Variants in HMGN5 observed in about 807,000 individuals in gnomAD.
The protein encoded by HMGN5 is high mobility group nucleosome-binding domain-containing protein 5.
A neutral mutation model predicts 9.5 loss-of-function variants in HMGN5; 4 were observed. The ratio of observed to expected loss-of-function variants is 0.42; its 90% CI spans 0.21 to 0.96. The LOEUF is 0.96. HMGN5 is among the 40% of genes least tolerant of loss of function. The pLI is 0.30. For missense variants in HMGN5, 192 were observed against 187.5 expected (o/e 1.02, Z -0.14); for synonymous variants, 55 against 57.1 (o/e 0.96, Z 0.16).
chrX:81,131,362 G>A (rs1160292942), intron 1 of HMGN5, among the ~76,000 whole-genome samples: 2 of 111,334 alleles, frequency 1.8e-5, no homozygotes, highest in East Asian at 2.8e-4. Context: ...ATGACATTTC[G>A]TTTTTCTTTC....
intron 1 of HMGN5, among the ~76,000 whole-genome samples, chrX:81,171,942 AC>A (rs2075426848): frequency 8.9e-6 from 1 of 112,013 alleles, no homozygotes; most frequent in African/African-American, 3.2e-5. Context: ...TTCACAAGAA[AC>A]AAATTAAAGA....
chrX:81,129,161 T>C (rs952884535), intron 1 of HMGN5, among the ~76,000 whole-genome samples: 11 of 110,575 alleles, frequency 9.9e-5, no homozygotes, highest in African/African-American at 3.3e-4. Context: ...AATCAGAAAA[T>C]AGGAATAGTG....
At chrX:81,151,868 T>C (rs2147562577) in intron 1 of HMGN5, among the ~76,000 whole-genome samples, 1 of 111,467 alleles carries the variant, frequency 9.0e-6, no homozygotes, top group East Asian at 2.8e-4. Flanking sequence ...TGGGGTTTTC[T>C]AGATATACAA....
At chrX:81,183,947 C>A (rs2075470063) in intron 1 of HMGN5, among the ~76,000 whole-genome samples, 1 of 111,660 alleles carries the variant, frequency 9.0e-6, no homozygotes, top group Non-Finnish European at 1.9e-5. Flanking sequence ...AAAGGACTTG[C>A]CTTGTCTCAA....
At chrX:81,163,965 T>G (rs1029103990) in intron 1 of HMGN5, among the ~76,000 whole-genome samples, 1 of 111,639 alleles carries the variant, frequency 9.0e-6, no homozygotes, top group African/African-American at 3.3e-5. Flanking sequence ...ATTTTACAAG[T>G]GTCCTTGGAG....
intron 2 of HMGN5, among the ~76,000 whole-genome samples, chrX:81,120,770 G>C (rs2075266283): frequency 9.0e-6 from 1 of 111,666 alleles, no homozygotes. Flanking sequence ...GAATTGTGAA[G>C]TGAGGGTTTG....
At chrX:81,179,360 G>C (rs2075453483) in intron 1 of HMGN5, among the ~76,000 whole-genome samples, 1 of 111,585 alleles carries the variant, frequency 9.0e-6, no homozygotes, top group Non-Finnish European at 1.9e-5. Context: ...AAAGTCTCAG[G>C]ATACAAAATC....
intron 1 of HMGN5, among the ~76,000 whole-genome samples, chrX:81,175,544 G>A (rs1569350155): frequency 9.0e-6 from 1 of 111,251 alleles, no homozygotes; most frequent in East Asian, 2.8e-4. Flanking sequence ...ATAAATGTAA[G>A]ATGAAAACAT....
chrX:81,194,751 T>G (rs148937808), intron 1 of HMGN5, among the ~76,000 whole-genome samples: 2 of 111,905 alleles, frequency 1.8e-5, no homozygotes, highest in East Asian at 5.6e-4. Flanking sequence ...GAAGAATGGC[T>G]AGAGAAACAG....
intron 5 of HMGN5, among the ~76,000 whole-genome samples, chrX:81,117,107 G>A (rs1227772311): frequency 6.3e-5 from 7 of 110,796 alleles, no homozygotes; most frequent in Non-Finnish European, 5.7e-5. Context: ...GAAAACACAT[G>A]AAAAAAATGC....
intron 1 of HMGN5, among the ~76,000 whole-genome samples, chrX:81,182,559 C>T (rs867522438): frequency 9.0e-6 from 1 of 111,610 alleles, no homozygotes; most frequent in African/African-American, 3.3e-5. Context: ...GCACCCCCCA[C>T]CCCAAGCTTC....
chrX:81,130,470 T>C (rs1031231555), intron 1 of HMGN5, among the ~76,000 whole-genome samples: 3 of 111,669 alleles, frequency 2.7e-5, no homozygotes, highest in Admixed American at 1.9e-4. Context: ...CTCTGCTCTC[T>C]TAATTAAACT....
intron 1 of HMGN5, among the ~76,000 whole-genome samples, chrX:81,199,595 T>G (rs1207135116): frequency 2.7e-5 from 3 of 111,971 alleles, no homozygotes; most frequent in Admixed American, 1.9e-4. Context: ...CCATCTGACC[T>G]TTGACAAACC....
At chrX:81,187,379 C>A (rs1045257297) in intron 1 of HMGN5, among the ~76,000 whole-genome samples, 3 of 111,363 alleles carry the variant, frequency 2.7e-5, no homozygotes, top group African/African-American at 9.8e-5. Flanking sequence ...CTGGGTATTC[C>A]AGTGTTGGGT....
rs760004773 is a variant in HMGN5, at chrX:81,113,715, A to G, written c.*934T>C. The stretch of plus-strand genomic sequence containing the variant: ...ACACACATATTATGTGATTCCATTT[A>G]TAATAAATGTTCAGAATAGGCAAAT... On this transcript the variant is annotated 3_prime_UTR_variant, in exon 7 of 7. Coordinates refer to ENST00000358130, the MANE Select transcript of HMGN5 (RefSeq NM_030763.3). 4.4e-4 allele frequency: 49 copies of G among 112,267 alleles called. 1 individual carries two copies. The highest frequency in any genetic ancestry group is 2.6e-4 in the Non-Finnish European group (14 of 53,234). 9.3% of individuals were successfully genotyped at this position (112,267 alleles called of 1,213,427 possible). A position where few individuals can be genotyped will look rare whatever the true frequency, so the allele number is the denominator to read the frequency against.
At chrX:81,168,943 G>A (rs1263925343) in intron 1 of HMGN5, among the ~76,000 whole-genome samples, 1 of 110,705 alleles carries the variant, frequency 9.0e-6, no homozygotes, top group Non-Finnish European at 1.9e-5. Context: ...TAGAGAGAGA[G>A]TTAGAAATGA....
intron 1 of HMGN5, among the ~76,000 whole-genome samples, chrX:81,159,204 AG>A (rs921583740): frequency 1.8e-5 from 2 of 110,717 alleles, no homozygotes; most frequent in African/African-American, 6.6e-5. Context: ...GAGCACAGGG[AG>A]GGGAACAACA....
Position 81,117,260 on chromosome X carries a change from G to GTTTTT in HMGN5, c.130-924_130-920dup, listed in dbSNP as rs72026372. Among the ~76,000 whole-genome samples, 10 of 79,840 alleles carry GTTTTT rather than the reference G, an allele frequency of 1.3e-4. No individual in the cohort carries two copies. The East Asian group carries it at 1.8e-3, about 14-fold the overall frequency. The allele number at this position is 79,840 out of a possible 115,157, so 69.3% of individuals were successfully genotyped here. A position where few individuals can be genotyped will look rare whatever the true frequency, so the allele number is the denominator to read the frequency against. ...TTTTCTTTTCTTTTCTTTTTTTTCC[G>GTTTTT]TTTTTTTTTTTTTTTTTGAGACAGG... On this transcript the variant is annotated intron_variant, in intron 5 of 6. Transcript: ENST00000358130.
chrX:81,122,616 C>CT (rs771259000), intron 1 of HMGN5, among the ~76,000 whole-genome samples: 2 of 111,539 alleles, frequency 1.8e-5, no homozygotes, highest in Non-Finnish European at 3.8e-5. Flanking sequence ...TCATCATGGA[C>CT]TTTTTTGCAA....
Sources: allele counts gnomAD v4.1 joint callset (sites outside exome capture counted in the v4.1 genomes callset), GRCh38; gene constraint gnomAD v4.1.1; transcripts MANE v1.5; gene names NCBI Gene and HGNC (gene_info 2026-07-23, HGNC 2026-07-21).